The following RASEF variants were observed in gnomAD, a reference collection of about 807,000 sequenced individuals.
RASEF encodes RAS and EF-hand domain containing, also known as ras and EF-hand domain-containing protein.
A neutral mutation model predicts 90.1 loss-of-function variants in RASEF; 68 were observed. The observed-to-expected ratio is 0.75, with a 90% CI of 0.62 to 0.92. RASEF has a LOEUF of 0.92. Ranked by LOEUF, RASEF falls within the 40% of genes least tolerant of loss-of-function variation. RASEF has a pLI of 0.00. For synonymous variants in RASEF, 331 were observed against 345.2 expected (o/e 0.96, Z 0.46); for missense variants, 949 against 937.2 (o/e 1.01, Z -0.16).
chr9:83,164,896 A>G, the RASEF span, among the ~76,000 whole-genome samples: 4 of 152,058 alleles, frequency 2.6e-5, no homozygotes, highest in Admixed American at 2.6e-4. Flanking sequence ...AATAAAAGTT[A>G]TCATGAATAT....
Position 83,001,959 on chromosome 9 carries a change from C to T in RASEF, c.1203-829G>A, listed in dbSNP as rs1011536941. On this transcript the variant is annotated intron_variant, in intron 9 of 16. Coordinates refer to ENST00000376447, the MANE Select transcript of RASEF (RefSeq NM_152573.4). ...GAACTCCTGACTTCTATAGATCTTA[C>T]CATTAGTGAAACTCTGAAGATTTTA... Among the ~76,000 whole-genome samples, 8 of 152,146 alleles carry T rather than the reference C, an allele frequency of 5.3e-5. No homozygotes were observed. In the South Asian group the frequency reaches 1.0e-3, roughly 20 times the overall value.
intron 2 of RASEF, among the ~76,000 whole-genome samples, chr9:83,024,708 G>T (rs6559695): frequency 0.54 from 82,005 of 152,046 alleles, 22,415 homozygotes; most frequent in East Asian, 0.73. Context: ...ACTCCAGGAC[G>T]ATAAGAAAGG....
chr9:83,146,860 C>T, the RASEF span, among the ~76,000 whole-genome samples: 36 of 151,980 alleles, frequency 2.4e-4, no homozygotes, highest in East Asian at 5.4e-3. Context: ...GAGTGATGGA[C>T]GTGAAGCTAA....
In RASEF at chr9:83,000,165, A is replaced by G. The variant is rs1055041928; in HGVS notation, c.1723+4T>C. ...CCCATTATCAACCGAAATACGAGCC[A>G]TACCCAGGGTGGCGCTTATATTTTC... On this transcript the variant is annotated splice_donor_region_variant and intron_variant, in intron 12 of 16. Transcript: ENST00000376447. 6.2e-7 allele frequency: 1 copy of G among 1,611,986 alleles called. No homozygotes were observed. Among genetic ancestry groups the G allele is most frequent in the Non-Finnish European group, 8.5e-7 (1 of 1,179,430 alleles).
upstream of RASEF, among the ~76,000 whole-genome samples, chr9:83,065,770 T>C (rs73471448): frequency 0.071 from 10,838 of 152,260 alleles, 920 homozygotes; most frequent in African/African-American, 0.21. Context: ...TATCATTCTC[T>C]ACTCTTTAAT....
chr9:83,119,012 T>C, the RASEF span, among the ~76,000 whole-genome samples: 2 of 146,568 alleles, frequency 1.4e-5, no homozygotes, highest in Non-Finnish European at 3.0e-5. Flanking sequence ...TCTTTTCTTT[T>C]TTTTTTTTTT....
At chr9:83,190,176 G>A in the RASEF span, among the ~76,000 whole-genome samples, 1 of 152,168 alleles carries the variant, frequency 6.6e-6, no homozygotes, top group Non-Finnish European at 1.5e-5. Context: ...AAATTTCTAG[G>A]ATTCAAGAAG....
At chr9:83,103,949 CCAAT>C in the RASEF span, among the ~76,000 whole-genome samples, 1 of 152,204 alleles carries the variant, frequency 6.6e-6, no homozygotes, top group Admixed American at 6.5e-5. Flanking sequence ...GGGAATTTCC[CCAAT>C]CAAAGGCCCT....
Position 83,062,538 on chromosome 9 carries a change from G to T in RASEF, c.330C>A (p.Asp110Glu). The stretch of plus-strand genomic sequence containing the variant: ...ACGAGGTGGCCAGCGCCGCCGCCGC[G>T]TCCTCGTCGCCTTCGTCCTCCTCGC... ...HDSEEDEGDEDAAAALATSCG... is the reference protein window; with the variant it reads ...HDSEEDEGDEEAAAALATSCG... The change falls in exon 1 of 17, where the codon GAC (aspartate) becomes GAA (glutamate). Residue 110 changes from aspartate (D) to glutamate (E), a missense_variant. Physicochemically the swap from Asp to Glu is conservative, Grantham distance 45. Coordinates refer to ENST00000376447, the MANE Select transcript of RASEF (RefSeq NM_152573.4). The T allele has an allele frequency of 6.2e-7, 1 of 1,606,456 alleles. No individual in the cohort carries two copies. The highest frequency in any genetic ancestry group is 8.5e-7 in the Non-Finnish European group (1 of 1,176,820).
At chr9:83,210,129 C>T in the RASEF span, among the ~76,000 whole-genome samples, 1 of 152,056 alleles carries the variant, frequency 6.6e-6, no homozygotes, top group Non-Finnish European at 1.5e-5. Context: ...TCTTAGAAGG[C>T]AAAGGAGTGA....
chr9:83,186,859 A>C, the RASEF span, among the ~76,000 whole-genome samples: 3 of 152,184 alleles, frequency 2.0e-5, no homozygotes, highest in South Asian at 6.2e-4. Context: ...ATCTTAAAAA[A>C]AAATTTCTAG....
chr9:83,171,865 CT>C, the RASEF span, among the ~76,000 whole-genome samples: 3 of 151,654 alleles, frequency 2.0e-5, no homozygotes, highest in Non-Finnish European at 4.4e-5. Flanking sequence ...AAAATGCCAA[CT>C]TTTTGTTTCA....
the RASEF span, among the ~76,000 whole-genome samples, chr9:83,114,021 G>A: frequency 3.9e-5 from 6 of 152,070 alleles, no homozygotes; most frequent in Non-Finnish European, 7.3e-5. Flanking sequence ...CACCCCTAGA[G>A]ACCCAGCTGT....
chr9:83,009,908 G>A, intron 5 of RASEF, 152 bp from the exon 6 acceptor site: 5 of 536,500 alleles, frequency 9.3e-6, no homozygotes, highest in African/African-American at 3.8e-5. Flanking sequence ...GTCAATTCAA[G>A]GTAATTTGAA....
intron 7 of RASEF, among the ~76,000 whole-genome samples, chr9:83,005,977 A>G (rs1427564971): frequency 1.3e-5 from 2 of 152,038 alleles, no homozygotes; most frequent in Non-Finnish European, 2.9e-5. Flanking sequence ...CACTTGGGTG[A>G]TGATCTCAGT....
At chr9:83,175,720 A>G in the RASEF span, among the ~76,000 whole-genome samples, 1 of 152,014 alleles carries the variant, frequency 6.6e-6, no homozygotes, top group African/African-American at 2.4e-5. Flanking sequence ...AGCCGGGACT[A>G]CAGGCGCACA....
chr9:83,143,892 T>C, the RASEF span, among the ~76,000 whole-genome samples: 8 of 152,126 alleles, frequency 5.3e-5, no homozygotes, highest in South Asian at 2.1e-4. Flanking sequence ...AGCAAAGACA[T>C]AGAATTGACC....
At chr9:83,101,505 A>G in the RASEF span, among the ~76,000 whole-genome samples, 1 of 152,210 alleles carries the variant, frequency 6.6e-6, no homozygotes, top group Non-Finnish European at 1.5e-5. Flanking sequence ...CTTGAACAAT[A>G]TTTTTATTTT....
rs558253153 is a variant in RASEF, at chr9:83,062,895, C to G, written c.-28G>C. The G allele has an allele frequency of 3.5e-5, 49 of 1,416,744 alleles. 1 individual carries two copies. In the African/African-American group the frequency reaches 6.2e-4, roughly 18 times the overall value. 87.8% of individuals were successfully genotyped at this position (1,416,744 alleles called of 1,614,324 possible). The stretch of plus-strand genomic sequence containing the variant: ...CGCCTGGCGGGGGCGGCCGAGAGGG[C>G]TCCGGAGCGCCGCGGGGCGCAGGGC... On this transcript the variant is annotated 5_prime_UTR_variant, in exon 1 of 17. Coordinates refer to ENST00000376447, the MANE Select transcript of RASEF (RefSeq NM_152573.4).
Sources: gnomAD v4.1 joint callset for allele counts (sites outside exome capture counted in the v4.1 genomes callset) on GRCh38, gnomAD v4.1.1 for gene constraint, MANE v1.5 for transcripts, NCBI Gene and HGNC (gene_info 2026-07-23, HGNC 2026-07-21) for gene names.